The following TRMT10A variants were observed in gnomAD, a reference collection of about 807,000 sequenced individuals.
TRMT10A encodes tRNA methyltransferase 10 homolog A.
In TRMT10A, 37 loss-of-function variants were observed where a neutral mutation model predicts 40.4. The ratio of observed to expected loss-of-function variants is 0.92; its 90% confidence interval spans 0.71 to 1.21. The LOEUF is 1.21. Ranked by LOEUF, TRMT10A falls within the 50% of genes most tolerant of loss-of-function variation. The probability of loss-of-function intolerance (pLI) is 0.00; values close to 1 mark genes in which losing one functional copy is unlikely to be tolerated. For synonymous variants in TRMT10A, 103 were observed against 134.1 expected, an observed-to-expected ratio of 0.77 and a Z score of 1.60; for missense variants, 388 against 404.3, an observed-to-expected ratio of 0.96 and a Z score of 0.35.
chr4:99,552,605 C>T (rs1258539651), intron 6 of TRMT10A, among the ~76,000 whole-genome samples: 2 of 152,060 alleles, frequency 1.3e-5, no homozygotes, highest in Non-Finnish European at 2.9e-5. Context: ...ATGGAAGCAC[C>T]ATCATTCTTC....
chr4:99,554,465 G>A (rs774691136), intron 5 of TRMT10A, among the ~76,000 whole-genome samples: 13 of 152,144 alleles, frequency 8.5e-5, no homozygotes, highest in Non-Finnish European at 1.3e-4. Flanking sequence ...GCTCATGCCT[G>A]TAATCCCAGC....
intron 1 of TRMT10A, among the ~76,000 whole-genome samples, chr4:99,561,456 T>A (rs1314852531): frequency 6.6e-6 from 1 of 152,176 alleles, no homozygotes; most frequent in Non-Finnish European, 1.5e-5. Context: ...ATCATCATCA[T>A]CTTTTTAAAA....
Position 99,558,164 on chromosome 4 carries a change from C to T in TRMT10A, c.233G>A (p.Cys78Tyr), listed in dbSNP as rs1334922728. Reference sequence around the variant, plus strand: ...TCCATCTGAGTTTGGTTCCATTTGACATTGTCGCTCTAATTTTTTCCTCTT... The same window carrying T: ...TCCATCTGAGTTTGGTTCCATTTGATATTGTCGCTCTAATTTTTTCCTCTT... ...KRKRKKLERQCQMEPNSDGHD... is the reference protein window; with the variant it reads ...KRKRKKLERQYQMEPNSDGHD... The change falls in exon 3 of 8, where the codon TGT becomes TAT. Residue 78 changes from cysteine (C) to tyrosine (Y), a missense_variant. Cys to Tyr is a radical substitution (Grantham distance 194). Coordinates refer to ENST00000394876, the MANE Select transcript of TRMT10A (RefSeq NM_001134665.3). 2 of 1,602,190 alleles carry T rather than the reference C, an allele frequency of 1.2e-6. No individual in the cohort carries two copies. Among genetic ancestry groups the T allele is most frequent in the Non-Finnish European group, 1.7e-6 (2 of 1,176,992 alleles).
intron 4 of TRMT10A, 107 bp downstream of exon 4, chr4:99,557,238 C>G: frequency 8.9e-7 from 1 of 1,124,360 alleles, no homozygotes; most frequent in Non-Finnish European, 1.2e-6. Context: ...AGGCATTAAA[C>G]AAGATTACCT....
At chr4:99,558,337 C>A in intron 2 of TRMT10A, 126 bp from the exon 3 acceptor site, 6 of 875,346 alleles carry the variant, frequency 6.9e-6, no homozygotes, top group Non-Finnish European at 1.0e-5. Context: ...CTTCTGTGAC[C>A]ATTCAAAAAT....
intron 1 of TRMT10A, 120 bp downstream of exon 1, chr4:99,563,793 C>G (rs1239417214): frequency 1.7e-6 from 1 of 573,800 alleles, no homozygotes; most frequent in Non-Finnish European, 3.3e-6. Context: ...ACTTCCACAC[C>G]ACTGCTCCCC....
rs1429078907 is a variant in TRMT10A at position 99,549,024 on chromosome 4, A to G, written c.*64T>C. ...AAAATAAAATGTTCTTCCAATTTCA[A>G]TATTCTATATAGCACCTCACTTTCT... On this transcript the variant is annotated 3_prime_UTR_variant, in exon 8 of 8. Transcript: ENST00000394876. 3.5e-6 allele frequency: 5 copies of G among 1,436,884 alleles called. No individual in the cohort carries two copies. Among genetic ancestry groups the G allele is most frequent in the Non-Finnish European group, 4.6e-6 (5 of 1,080,032 alleles). 89.0% of individuals were successfully genotyped at this position (1,436,884 alleles called of 1,614,324 possible).
Position 99,549,202 on chromosome 4 carries a change from C to T in TRMT10A, c.906G>A (p.Ser302=), listed in dbSNP as rs1378476789. Residue 302 remains serine, a synonymous_variant, in exon 8 of 8, where the codon TCG becomes TCA. Coordinates refer to ENST00000394876, the MANE Select transcript of TRMT10A (RefSeq NM_001134665.3). ...NQSVRMEEGG[S]DSDSSEEEYS... is the part of the protein sequence containing the mutation. ...ATTCCTCCTCACTGGAATCACTGTCCGATCCACCTTCCTCCATCCTGACAG... is the reference window on the plus strand; with the variant it reads ...ATTCCTCCTCACTGGAATCACTGTCTGATCCACCTTCCTCCATCCTGACAG... 11 of 1,613,924 alleles carry T rather than the reference C, an allele frequency of 6.8e-6. No homozygotes were observed. In the East Asian group the frequency reaches 1.1e-4, roughly 16 times the overall value.
rs1185375604 is a variant in TRMT10A, at chr4:99,549,110, G to A, written c.998C>T (p.Thr333Ile). Residue 333 changes from threonine to isoleucine, a missense_variant, in exon 8 of 8, where the codon ACA becomes ATA. Coordinates refer to ENST00000394876, the MANE Select transcript of TRMT10A (RefSeq NM_001134665.3). ...KQDKENHTES[T>I]VNSLPH ...ACATTAGTGTGGCAGAGAGTTCACT[G>A]TAGATTCAGTGTGATTTTCCTTATC... The A allele has an allele frequency of 1.2e-6, 2 of 1,614,020 alleles. No homozygotes were observed. Among genetic ancestry groups the A allele is most frequent in the South Asian group, 2.2e-5 (2 of 91,070 alleles).
intron 1 of TRMT10A, among the ~76,000 whole-genome samples, chr4:99,562,209 G>A (rs1417388102): frequency 1.3e-5 from 2 of 149,448 alleles, no homozygotes; most frequent in African/African-American, 2.5e-5. Context: ...ATATGTGTGT[G>A]TGTGTGTGTG....
At chr4:99,561,157 G>T (rs1468824512) in intron 1 of TRMT10A, among the ~76,000 whole-genome samples, 1 of 151,968 alleles carries the variant, frequency 6.6e-6, no homozygotes, top group African/African-American at 2.4e-5. Flanking sequence ...AGTAGAGAAG[G>T]GGTTTCGCCA....
At chr4:99,562,760 C>T (rs541220564) in intron 1 of TRMT10A, among the ~76,000 whole-genome samples, 1 of 151,814 alleles carries the variant, frequency 6.6e-6, no homozygotes, top group African/African-American at 2.4e-5. Context: ...CTCTTGACCT[C>T]GTGATCCACC....
chr4:99,554,012 C>A, intron 5 of TRMT10A, 78 bp from the exon 6 acceptor site: 2 of 1,426,318 alleles, frequency 1.4e-6, no homozygotes, highest in Non-Finnish European at 1.9e-6. Flanking sequence ...TTCTCTTTTC[C>A]CAAAACAAAT....
At chr4:99,550,480 G>A (rs1723916611) in intron 7 of TRMT10A, among the ~76,000 whole-genome samples, 1 of 152,160 alleles carries the variant, frequency 6.6e-6, no homozygotes, top group African/African-American at 2.4e-5. Context: ...ACAGGTGTAA[G>A]CCACTGTGCC....
intron 7 of TRMT10A, among the ~76,000 whole-genome samples, chr4:99,550,390 A>G (rs1723912924): frequency 6.6e-6 from 1 of 152,140 alleles, no homozygotes; most frequent in Non-Finnish European, 1.5e-5. Context: ...AAGTTTCACC[A>G]CGTAGCCCAG....
At position 99,554,718 on chromosome 4, in the gene TRMT10A, G is replaced by A. The variant is rs376594733; in HGVS notation, c.496-784C>T. ...CCTGGGTGACAGTGCAAGCGACTAC[G>A]TTTCAAAAAAAAAAAAAAAAAAAGA... On this transcript the variant is annotated intron_variant, in intron 5 of 7. Transcript: ENST00000394876. 1.8e-3 allele frequency among the ~76,000 whole-genome samples: 124 copies of A among 67,844 alleles called. 3 individuals carry two copies. The highest frequency in any genetic ancestry group is 0.026 in the Middle Eastern group (2 of 78). The allele number at this position is 67,844 out of a possible 152,430, so 44.5% of individuals were successfully genotyped here.
chr4:99,557,954 T>C, intron 3 of TRMT10A, 95 bp downstream of exon 3: 1 of 1,210,162 alleles, frequency 8.3e-7, no homozygotes, highest in Non-Finnish European at 1.1e-6. Context: ...TTCATTTCAA[T>C]ACACAAATTT....
At chr4:99,559,090 A>G (rs538470008) in intron 2 of TRMT10A, 64 bp downstream of exon 2, 11 of 1,465,496 alleles carry the variant, frequency 7.5e-6, no homozygotes, top group Non-Finnish European at 1.0e-5. Context: ...CCAAAGGGCT[A>G]TGCAAGGTTT....
chr4:99,559,695 A>G (rs1294079935), intron 1 of TRMT10A, among the ~76,000 whole-genome samples: 5 of 152,208 alleles, frequency 3.3e-5, no homozygotes, highest in African/African-American at 1.2e-4. Context: ...ATAAATCAGA[A>G]ATGCACACAA....
Sources: allele counts gnomAD v4.1 joint callset (sites outside exome capture counted in the v4.1 genomes callset), GRCh38; gene constraint gnomAD v4.1.1; transcripts MANE v1.5; gene names NCBI Gene and HGNC (gene_info 2026-07-23, HGNC 2026-07-21).